The following APP variants were observed in gnomAD, a reference collection of about 807,000 sequenced individuals.
The protein encoded by APP is amyloid beta precursor protein, also known as amyloid-beta precursor protein.
A neutral mutation model predicts 101.4 loss-of-function variants in APP; 31 were observed. The ratio of observed to expected loss-of-function variants is 0.31; its 90% CI spans 0.23 to 0.41. The LOEUF (loss-of-function observed/expected upper bound fraction) is 0.41. Ranked by LOEUF, APP falls within the 10% of genes least tolerant of loss-of-function variation. The pLI is 1.00. For missense variants in APP, 839 were observed against 1,003.7 expected (o/e 0.84, Z 2.22); for synonymous variants, 366 against 364.4 (o/e 1.00, Z -0.05).
chr21:26,108,392 C>T (rs971824535), intron 2 of APP, among the ~76,000 whole-genome samples: 1 of 152,174 alleles, frequency 6.6e-6, no homozygotes, highest in Admixed American at 6.5e-5. Flanking sequence ...ACACTTATAG[C>T]ACACATCAGT....
chr21:26,074,194 AT>A (rs2061459237), intron 3 of APP, among the ~76,000 whole-genome samples: 2 of 152,190 alleles, frequency 1.3e-5, no homozygotes, highest in Admixed American at 1.3e-4. Context: ...TACCTAATCA[AT>A]AAATAAAGAG....
At position 25,896,099 on chromosome 21, in the gene APP, T is replaced by C. The variant is rs148317723; in HGVS notation, c.2064+1474A>G. Among the ~76,000 whole-genome samples the C allele has an allele frequency of 3.2e-3, 484 of 152,256 alleles. 3 individuals are homozygous for C. Among genetic ancestry groups the C allele is most frequent in the African/African-American group, 0.011 (450 of 41,534 alleles). On this transcript the variant is annotated intron_variant, in intron 16 of 17. Transcript: ENST00000346798. ...CTACCCCACCAACTCTTCAACTCTT[T>C]AGTGGTTCCCCAGTTTTTATTAACC...
intron 1 of APP, among the ~76,000 whole-genome samples, chr21:26,165,431 A>G (rs2063586173): frequency 6.6e-6 from 1 of 152,244 alleles, no homozygotes; most frequent in African/African-American, 2.4e-5. Context: ...AAACTTGCCC[A>G]TGGTCACTAG....
intron 1 of APP, among the ~76,000 whole-genome samples, chr21:26,117,867 T>C (rs1277608106): frequency 2.0e-5 from 3 of 152,214 alleles, no homozygotes; most frequent in Admixed American, 2.0e-4. Context: ...TGATTTGCCA[T>C]GAAAGCGAAT....
At chr21:25,997,275 C>T in intron 8 of APP, 85 bp downstream of exon 8, 2 of 1,291,686 alleles carry the variant, frequency 1.5e-6, no homozygotes, top group Admixed American at 1.7e-5. Flanking sequence ...CAAAACCATG[C>T]AAAGAAGGTG....
intron 1 of APP, among the ~76,000 whole-genome samples, chr21:26,168,562 T>C (rs2063666841): frequency 6.6e-6 from 1 of 151,944 alleles, no homozygotes; most frequent in Admixed American, 6.5e-5. Context: ...TTCCTCTTTT[T>C]ATACAGAAAG....
chr21:25,997,528 A>G, intron 7 of APP, 112 bp from the exon 8 acceptor site: 1 of 955,482 alleles, frequency 1.0e-6, no homozygotes, highest in South Asian at 1.3e-5. Flanking sequence ...AAAATCACTC[A>G]CTTAGGTTTG....
intron 13 of APP, chr21:25,942,101 A>G (rs929567900): frequency 2.6e-5 from 4 of 152,194 alleles, no homozygotes; most frequent in African/African-American, 9.7e-5. Context: ...TGTTCTCTTT[A>G]AATATCTTAA....
intron 11 of APP, among the ~76,000 whole-genome samples, chr21:25,960,418 TG>T (rs2041529581): frequency 6.6e-6 from 1 of 152,146 alleles, no homozygotes; most frequent in Non-Finnish European, 1.5e-5. Flanking sequence ...TAATCCTAAA[TG>T]GGTCCTGTTA....
chr21:25,890,589 A>G (rs2037624890), intron 17 of APP, among the ~76,000 whole-genome samples: 1 of 152,154 alleles, frequency 6.6e-6, no homozygotes, highest in African/African-American at 2.4e-5. Flanking sequence ...AAAAACAAAA[A>G]TTAGCCGGGC....
intron 13 of APP, among the ~76,000 whole-genome samples, chr21:25,912,786 ACTTAT>A (rs1368083835): frequency 2.6e-5 from 4 of 152,314 alleles, no homozygotes; most frequent in East Asian, 3.9e-4. Flanking sequence ...AACATCATTG[ACTTAT>A]CTTTTCTTAC....
At chr21:26,129,211 G>T in intron 1 of APP, among the ~76,000 whole-genome samples, 1 of 152,014 alleles carries the variant, frequency 6.6e-6, no homozygotes, top group Non-Finnish European at 1.5e-5. Context: ...CATGGCTCAC[G>T]CCTGTAATCC....
intron 3 of APP, among the ~76,000 whole-genome samples, chr21:26,080,389 C>T (rs1296601135): frequency 6.6e-6 from 1 of 152,106 alleles, no homozygotes; most frequent in Non-Finnish European, 1.5e-5. Flanking sequence ...TAAGATTCTG[C>T]TCATTTTTTA....
At chr21:26,128,772 G>T (rs1274077262) in intron 1 of APP, among the ~76,000 whole-genome samples, 8 of 151,842 alleles carry the variant, frequency 5.3e-5, no homozygotes, top group Admixed American at 4.6e-4. Context: ...TAAAACCAAG[G>T]TTTCCCAAAA....
At position 26,022,021 on chromosome 21, in the gene APP, T is replaced by C. The variant is rs1196113254; in HGVS notation, c.684A>G (p.Val228=). 2 of 1,614,044 alleles carry C rather than the reference T, an allele frequency of 1.2e-6. No individual in the cohort carries two copies. The highest frequency in any genetic ancestry group is 2.7e-5 in the African/African-American group (2 of 74,930). Residue 228 remains valine, a synonymous_variant, in exon 6 of 18, where the codon GTA becomes GTG. Coordinates refer to ENST00000346798, the MANE Select transcript of APP (RefSeq NM_000484.4). The part of the protein sequence containing the change: ...ADGSEDKVVE[V]AEEEEVAEVE... ...CCTCAGCCACTTCTTCCTCCTCTGCTACTTCTACTACTTTGTCTTCACTGT... is the reference window on the plus strand; with the variant it reads ...CCTCAGCCACTTCTTCCTCCTCTGCCACTTCTACTACTTTGTCTTCACTGT...
At chr21:26,140,364 AC>A (rs2063017095) in intron 1 of APP, 1 of 1,492,984 alleles carries the variant, frequency 6.7e-7, no homozygotes, top group Non-Finnish European at 8.9e-7. Flanking sequence ...CCCAACTTCT[AC>A]CACGCACAGC....
chr21:25,959,409 G>A (rs959615271), intron 11 of APP, among the ~76,000 whole-genome samples: 1 of 152,166 alleles, frequency 6.6e-6, no homozygotes, highest in Non-Finnish European at 1.5e-5. Flanking sequence ...CTACAGCCTG[G>A]GCGACAGGAC....
intron 13 of APP, among the ~76,000 whole-genome samples, chr21:25,939,587 C>A (rs2040491584): frequency 6.6e-6 from 1 of 152,162 alleles, no homozygotes; most frequent in Admixed American, 6.5e-5. Context: ...AAAATGCTGG[C>A]AGGGAAAGAC....
At chr21:26,040,581 AAC>A (rs201068804) in intron 5 of APP, among the ~76,000 whole-genome samples, 3,101 of 150,660 alleles carry the variant, frequency 0.021, 100 homozygotes, top group African/African-American at 0.073. Flanking sequence ...CAGCCTGGGC[AAC>A]AGAGTGAGAC....
Sources: gnomAD v4.1 joint callset for allele counts (sites outside exome capture counted in the v4.1 genomes callset) on GRCh38, gnomAD v4.1.1 for gene constraint, MANE v1.5 for transcripts, NCBI Gene and HGNC (gene_info 2026-07-23, HGNC 2026-07-21) for gene names.